The following KCNT2 variants were observed in gnomAD, a reference collection of about 807,000 sequenced individuals.
KCNT2 encodes the protein potassium sodium-activated channel subfamily T member 2, also known as potassium channel subfamily T member 2.
KCNT2 carries 67 observed loss-of-function variants against 153.8 expected under a neutral mutation model. The ratio of observed to expected loss-of-function variants is 0.44; its 90% CI spans 0.36 to 0.53. The LOEUF is 0.53. Ranked by LOEUF, KCNT2 falls within the 20% of genes least tolerant of loss-of-function variation. The pLI, the probability that KCNT2 is intolerant of heterozygous loss-of-function variation, is 0.00. For missense variants in KCNT2, 975 were observed against 1,354.8 expected, an observed-to-expected ratio of 0.72 and a Z score of 4.40; for synonymous variants, 500 against 458.8, an observed-to-expected ratio of 1.09 and a Z score of -1.15.
At chr1:196,276,926 T>G (rs537912782) in intron 25 of KCNT2, among the ~76,000 whole-genome samples, 1 of 152,200 alleles carries the variant, frequency 6.6e-6, no homozygotes, top group Non-Finnish European at 1.5e-5. Flanking sequence ...TTCAGTGTTT[T>G]GAAAATTGGT....
Position 196,324,345 on chromosome 1 carries a change from A to T in KCNT2, c.2276+2372T>A, listed in dbSNP as rs1201491922. Among the ~76,000 whole-genome samples the T allele has an allele frequency of 2.0e-5, 3 of 152,016 alleles. No homozygotes were observed. The East Asian group carries it at 5.8e-4, about 29-fold the overall frequency. On this transcript the variant is annotated intron_variant, in intron 19 of 27. Coordinates refer to ENST00000294725, the MANE Select transcript of KCNT2 (RefSeq NM_198503.5). ...ATATGAAAACCCTGTAAGTTGAAAG[A>T]AAAATAAAACAGAAATTTCATAGAA...
At chr1:196,372,019 AT>A (rs1169033896) in intron 14 of KCNT2, among the ~76,000 whole-genome samples, 3 of 152,060 alleles carry the variant, frequency 2.0e-5, no homozygotes, top group Admixed American at 1.3e-4. Flanking sequence ...ACTTTATTTA[AT>A]TGCATCAAAA....
chr1:196,465,485 T>G (rs1677531240), intron 7 of KCNT2, 98 bp from the exon 8 acceptor site: 1 of 727,592 alleles, frequency 1.4e-6, no homozygotes, highest in Non-Finnish European at 2.5e-6. Flanking sequence ...TCAACTCTCC[T>G]GTACACATAC....
At chr1:196,551,381 T>C (rs892694263) in intron 1 of KCNT2, among the ~76,000 whole-genome samples, 2 of 151,822 alleles carry the variant, frequency 1.3e-5, no homozygotes, top group Admixed American at 6.6e-5. Context: ...GTGGGGATTC[T>C]GAGGATGTTA....
At chr1:196,565,846 T>C (rs1572848153) in intron 1 of KCNT2, among the ~76,000 whole-genome samples, 1 of 151,428 alleles carries the variant, frequency 6.6e-6, no homozygotes, top group Non-Finnish European at 1.5e-5. Flanking sequence ...GAGATGTTGG[T>C]TAAATGATAC....
chr1:196,490,704 A>G (rs1156542576), intron 2 of KCNT2, among the ~76,000 whole-genome samples: 1 of 151,798 alleles, frequency 6.6e-6, no homozygotes, highest in Non-Finnish European at 1.5e-5. Context: ...GTGGGTCACA[A>G]TTATGCAGCC....
chr1:196,297,382 C>A (rs747072635), intron 22 of KCNT2, among the ~76,000 whole-genome samples: 4 of 152,044 alleles, frequency 2.6e-5, no homozygotes, highest in Admixed American at 6.6e-5. Context: ...TCACAATAGA[C>A]ACATATGCAG....
intron 1 of KCNT2, among the ~76,000 whole-genome samples, chr1:196,519,465 T>C (rs917739244): frequency 6.6e-6 from 1 of 151,556 alleles, no homozygotes; most frequent in Non-Finnish European, 1.5e-5. Flanking sequence ...CTGAAAGAGA[T>C]TGAGACAAGA....
chr1:196,448,832 C>T (rs1389933490), intron 8 of KCNT2, among the ~76,000 whole-genome samples: 1 of 151,570 alleles, frequency 6.6e-6, no homozygotes, highest in African/African-American at 2.4e-5. Context: ...TACCTAACGA[C>T]ACTCTAGATA....
intron 26 of KCNT2, among the ~76,000 whole-genome samples, chr1:196,254,400 C>T (rs1205591245): frequency 6.6e-6 from 1 of 151,372 alleles, no homozygotes; most frequent in Non-Finnish European, 1.5e-5. Flanking sequence ...GTGCCAATTC[C>T]TTCTGAAATA....
chr1:196,379,828 T>G (rs535016372), intron 13 of KCNT2, among the ~76,000 whole-genome samples: 1 of 152,268 alleles, frequency 6.6e-6, no homozygotes, highest in South Asian at 2.1e-4. Context: ...CTAACAGGCC[T>G]TATCTCTAAA....
At chr1:196,231,680 G>T (rs1393038269) in intron 27 of KCNT2, among the ~76,000 whole-genome samples, 1 of 151,764 alleles carries the variant, frequency 6.6e-6, no homozygotes, top group Non-Finnish European at 1.5e-5. Flanking sequence ...GACCACAGAG[G>T]ATGGATGTTT....
chr1:196,310,789 A>G (rs979734365), intron 21 of KCNT2, among the ~76,000 whole-genome samples: 1 of 151,828 alleles, frequency 6.6e-6, no homozygotes, highest in South Asian at 2.1e-4. Flanking sequence ...AATTCTCTAC[A>G]TTGTACCTGC....
chr1:196,363,059 T>G (rs1422566525), intron 14 of KCNT2, among the ~76,000 whole-genome samples: 1 of 152,148 alleles, frequency 6.6e-6, no homozygotes, highest in African/African-American at 2.4e-5. Flanking sequence ...CAATTATTAC[T>G]GTAGTGTTTG....
At position 196,316,013 on chromosome 1, in the gene KCNT2, G is replaced by A; in HGVS notation, c.2362C>T (p.Leu788Phe). The change falls in exon 21 of 28, where the codon CTC (leucine) becomes TTC (phenylalanine). Residue 788 changes from leucine to phenylalanine, a missense_variant. By Grantham distance (22) the Leu-to-Phe change is conservative. Around this residue, in one of 6 missense-constraint regions of KCNT2, gnomAD observed 325 missense variants for 388.1 expected, o/e 0.84. Transcript: ENST00000294725. ...VGSIDNLDDL[L>F]RCGVTFAANM... ...GCAGCAAAAGTCACTCCACACCTGA[G>A]TAAGTCATCTAGGCTTTGATAAAAA... 2 of 1,609,822 alleles carry A rather than the reference G, an allele frequency of 1.2e-6. No individual in the cohort carries two copies. Among genetic ancestry groups the A allele is most frequent in the Non-Finnish European group, 8.5e-7 (1 of 1,177,444 alleles).
intron 22 of KCNT2, among the ~76,000 whole-genome samples, chr1:196,298,628 G>A (rs1259770900): frequency 2.0e-5 from 3 of 151,810 alleles, no homozygotes; most frequent in African/African-American, 7.3e-5. Flanking sequence ...ATGCAGGTAA[G>A]ATTAATTAAA....
intron 8 of KCNT2, among the ~76,000 whole-genome samples, chr1:196,447,509 G>C (rs1403991207): frequency 6.6e-6 from 1 of 151,530 alleles, no homozygotes; most frequent in Non-Finnish European, 1.5e-5. Context: ...TGGGGTCAGA[G>C]AGATAAGCAT....
At chr1:196,392,081 C>T (rs1670539640) in intron 13 of KCNT2, among the ~76,000 whole-genome samples, 1 of 151,144 alleles carries the variant, frequency 6.6e-6, no homozygotes, top group African/African-American at 2.4e-5. Flanking sequence ...GAGAGCTCCG[C>T]TGATATAAAA....
chr1:196,406,405 A>G (rs926952728), intron 12 of KCNT2, among the ~76,000 whole-genome samples: 4 of 151,460 alleles, frequency 2.6e-5, no homozygotes, highest in African/African-American at 9.7e-5. Flanking sequence ...ACCTTAAAAG[A>G]AAATAGCCAA....
Sources: gnomAD v4.1 joint callset for allele counts (sites outside exome capture counted in the v4.1 genomes callset) on GRCh38, gnomAD v4.1.1 for gene constraint, gnomAD v4.1.1 regional missense constraint, MANE v1.5 for transcripts, NCBI Gene and HGNC (gene_info 2026-07-23, HGNC 2026-07-21) for gene names.